PLA2R1: variants seen among roughly 807,000 people sequenced by gnomAD.
PLA2R1 encodes the protein secretory phospholipase A2 receptor.
A neutral mutation model predicts 195.9 loss-of-function variants in PLA2R1; 158 were observed. The observed-to-expected ratio is 0.81, with a 90% CI of 0.71 to 0.92. The LOEUF (loss-of-function observed/expected upper bound fraction) is 0.92, where lower values mean the gene tolerates loss of function less well. Among genes scored for constraint, PLA2R1 ranks in the 40% least tolerant of loss-of-function variants. PLA2R1 has a pLI of 0.00. For missense variants in PLA2R1, 1,626 were observed against 1,764.6 expected (o/e 0.92, Z 1.41); for synonymous variants, 586 against 598.2 (o/e 0.98, Z 0.30).
At chr2:159,983,685 T>C (rs1000780581) in intron 13 of PLA2R1, among the ~76,000 whole-genome samples, 3 of 152,182 alleles carry the variant, frequency 2.0e-5, no homozygotes, top group Admixed American at 6.5e-5. Flanking sequence ...TCTACAGTTC[T>C]GACTTGAGGC....
chr2:159,927,399 A>G (rs1213197833), downstream of PLA2R1, among the ~76,000 whole-genome samples: 2 of 152,224 alleles, frequency 1.3e-5, no homozygotes, highest in Non-Finnish European at 2.9e-5. Flanking sequence ...CTCTAGAAAC[A>G]TGGAGCAAAA....
intron 4 of PLA2R1, among the ~76,000 whole-genome samples, chr2:160,030,605 A>C (rs921545663): frequency 9.9e-5 from 15 of 152,214 alleles, no homozygotes; most frequent in African/African-American, 3.6e-4. Flanking sequence ...GGCACAAAAA[A>C]CCATCTATTT....
intron 9 of PLA2R1, 28 bp from the exon 10 acceptor site, chr2:160,013,403 G>C (rs763817866): frequency 1.5e-6 from 2 of 1,312,006 alleles, no homozygotes; most frequent in East Asian, 2.3e-5. Flanking sequence ...GGAAATTAAG[G>C]ACACAATCTC....
chr2:160,044,117 G>C (rs1466983674), intron 2 of PLA2R1, among the ~76,000 whole-genome samples: 2 of 149,838 alleles, frequency 1.3e-5, no homozygotes, highest in African/African-American at 2.5e-5. Flanking sequence ...GGACAGGTTT[G>C]AGATTTGAAT....
intron 4 of PLA2R1, among the ~76,000 whole-genome samples, chr2:160,032,013 T>C (rs1316414240): frequency 6.6e-6 from 1 of 152,196 alleles, no homozygotes; most frequent in Non-Finnish European, 1.5e-5. Flanking sequence ...CTGATCCACC[T>C]GCCTTGGCCT....
rs114835797 is a variant in PLA2R1, at chr2:160,033,808, G to T, written c.668-676C>A. On this transcript the variant is annotated intron_variant, in intron 3 of 29. Transcript: ENST00000283243. ...TAACAGAAAATTAAGACTGAGTTTG[G>T]GTGCTTTTGCTAACATTTAAAATCA... Among the ~76,000 whole-genome samples the T allele has an allele frequency of 2.1e-3, 318 of 152,246 alleles. 2 individuals carry two copies. The highest frequency in any genetic ancestry group is 3.6e-3 in the Non-Finnish European group (244 of 68,012).
chr2:160,006,865 C>T lies in PLA2R1; in HGVS notation c.1665-1044G>A, dbSNP rs140779234. Among the ~76,000 whole-genome samples the T allele has an allele frequency of 1.2e-3, 178 of 152,016 alleles. 1 individual carries two copies. The Middle Eastern group carries it at 0.054, about 46-fold the overall frequency. On this transcript the variant is annotated intron_variant, in intron 10 of 29. Coordinates refer to ENST00000283243, the MANE Select transcript of PLA2R1 (RefSeq NM_007366.5). ...CTTAACTTGCTAAGGGAAGCAAAAG[C>T]AATGAGGTCATTTATGAATAGAAGA...
At chr2:160,012,773 G>A (rs1055937182) in intron 10 of PLA2R1, among the ~76,000 whole-genome samples, 2 of 152,004 alleles carry the variant, frequency 1.3e-5, no homozygotes, top group African/African-American at 4.8e-5. Context: ...TTACCAGGGC[G>A]TGGTGGCAGG....
intron 6 of PLA2R1, among the ~76,000 whole-genome samples, chr2:160,024,305 C>A (rs896540288): frequency 2.6e-5 from 4 of 152,180 alleles, no homozygotes; most frequent in Admixed American, 1.3e-4. Flanking sequence ...TGCTGTGGGG[C>A]TCTCACTCTA....
In PLA2R1 at chr2:159,937,545, T is replaced by G. The variant is rs1042625201; in HGVS notation, c.*4233A>C. 1 of 152,220 alleles carries G rather than the reference T, an allele frequency of 6.6e-6. No homozygotes were observed. Among genetic ancestry groups the G allele is most frequent in the African/African-American group, 2.4e-5 (1 of 41,464 alleles). The allele number at this position is 152,220 out of a possible 1,614,324, so 9.4% of individuals were successfully genotyped here. On this transcript the variant is annotated 3_prime_UTR_variant, in exon 30 of 30. Transcript: ENST00000283243. The stretch of plus-strand genomic sequence containing the variant: ...GCTTGTTAATACTCATCCTCACAAC[T>G]CACATAGAAATCTAAGATAAATCAA...
chr2:159,926,773 C>A, the PLA2R1 span, among the ~76,000 whole-genome samples: 4 of 152,056 alleles, frequency 2.6e-5, no homozygotes, highest in African/African-American at 7.2e-5. Context: ...CTACCCCTTC[C>A]CCCCACCCAG....
At chr2:160,020,345 A>G (rs189899148) in intron 7 of PLA2R1, 82 bp from the exon 8 acceptor site, 137 of 793,176 alleles carry the variant, frequency 1.7e-4, no homozygotes, top group Admixed American at 4.1e-4. Context: ...ACTAAAATAT[A>G]CCACTTCACA....
chr2:160,016,823 A>C, intron 8 of PLA2R1, 111 bp from the exon 9 acceptor site: 3 of 631,536 alleles, frequency 4.8e-6, no homozygotes, highest in Non-Finnish European at 8.6e-6. Context: ...GCGTGGGATA[A>C]TGTTTCAGGC....
chr2:159,979,882 T>C lies in PLA2R1; in HGVS notation c.2216A>G (p.Asn739Ser), dbSNP rs200287834. The change falls in exon 14 of 30, where the codon AAT becomes AGT. Residue 739 changes from asparagine to serine, a missense_variant. Physicochemically the swap from Asn to Ser is conservative, Grantham distance 46 (BLOSUM62 1). Coordinates refer to ENST00000283243, the MANE Select transcript of PLA2R1 (RefSeq NM_007366.5). ...TEERQFWIGF[N>S]KRNPLNAGSW... ...GCCGGCATTCAGTGGGTTTCTTTTA[T>C]TAAATCCAATCCAGAACTGCCTTTC... 2.0e-5 allele frequency: 32 copies of C among 1,607,640 alleles called. No individual in the cohort carries two copies. The highest frequency in any genetic ancestry group is 2.7e-5 in the Non-Finnish European group (32 of 1,174,424).
chr2:160,057,487 G>A (rs1301217787), intron 1 of PLA2R1, among the ~76,000 whole-genome samples: 1 of 152,190 alleles, frequency 6.6e-6, no homozygotes, highest in Non-Finnish European at 1.5e-5. Flanking sequence ...GTGATCCTGG[G>A]CCTTTGCACA....
chr2:159,976,852 C>T lies in PLA2R1; in HGVS notation c.2402-132G>A, dbSNP rs540899473. The T allele has an allele frequency of 1.0e-4, 72 of 711,196 alleles. No homozygotes were observed. The South Asian group carries it at 1.2e-3, about 11-fold the overall frequency. 44.1% of individuals were successfully genotyped at this position (711,196 alleles called of 1,614,324 possible). ...ATCACTTTAAAACAGGTACATTGTG[C>T]TGTTTGGAATATATGGTGAGTTCTC... On this transcript the variant is annotated intron_variant, in intron 15 of 29. Coordinates refer to ENST00000283243, the MANE Select transcript of PLA2R1 (RefSeq NM_007366.5).
intron 10 of PLA2R1, among the ~76,000 whole-genome samples, chr2:160,012,091 G>C (rs1039705750): frequency 6.6e-6 from 1 of 152,178 alleles, no homozygotes; most frequent in Admixed American, 6.5e-5. Flanking sequence ...TCCAATGTGG[G>C]AGGAGCAGAG....
At chr2:159,925,179 C>A in the PLA2R1 span, among the ~76,000 whole-genome samples, 5 of 125,820 alleles carry the variant, frequency 4.0e-5, no homozygotes, top group Non-Finnish European at 8.9e-5. Context: ...TTATTTTCCA[C>A]GTCAGTTATA....
At position 160,003,123 on chromosome 2, in the gene PLA2R1, T is replaced by C. The variant is rs1265597276; in HGVS notation, c.1834+2529A>G. On this transcript the variant is annotated intron_variant, in intron 11 of 29. Transcript: ENST00000283243. ...AGTAGACGAAAGGGTGAACTTACTA[T>C]ATAGTGTTGAAATTGGTTACTATTT... 2.0e-5 allele frequency among the ~76,000 whole-genome samples: 3 copies of C among 152,042 alleles called. 1 individual carries two copies. The highest frequency in any genetic ancestry group is 4.1e-4 in the South Asian group (2 of 4,836).
Sources: allele counts gnomAD v4.1 joint callset (sites outside exome capture counted in the v4.1 genomes callset), GRCh38; gene constraint gnomAD v4.1.1; transcripts MANE v1.5; gene names NCBI Gene and HGNC (gene_info 2026-07-23, HGNC 2026-07-21).